The following GPM6A variants were observed in gnomAD, a reference collection of about 807,000 sequenced individuals.
The protein encoded by GPM6A is glycoprotein M6A, also known as neuronal membrane glycoprotein M6-a.
A neutral mutation model predicts 32.1 loss-of-function variants in GPM6A; 7 were observed. The ratio of observed to expected loss-of-function variants is 0.22; its 90% CI spans 0.12 to 0.41. The LOEUF (loss-of-function observed/expected upper bound fraction) is 0.41. Ranked by LOEUF, GPM6A falls within the 10% of genes least tolerant of loss-of-function variation. GPM6A has a pLI of 1.00. For synonymous variants in GPM6A, 130 were observed against 123.4 expected (o/e 1.05, Z -0.35); for missense variants, 235 against 347.2 (o/e 0.68, Z 2.57).
intron 2 of GPM6A, among the ~76,000 whole-genome samples, chr4:175,682,202 C>T (rs916972183): frequency 2.0e-5 from 3 of 152,082 alleles, no homozygotes; most frequent in African/African-American, 7.2e-5. Context: ...GTTTGAACTT[C>T]AAAGTGATGA....
intron 1 of GPM6A, among the ~76,000 whole-genome samples, chr4:175,907,748 A>G (rs148975216): frequency 2.8e-4 from 42 of 152,284 alleles, no homozygotes; most frequent in African/African-American, 1.0e-3. Flanking sequence ...CTATTAGATC[A>G]CACTTTATAT....
At chr4:175,847,739 G>C (rs908176458) in intron 1 of GPM6A, among the ~76,000 whole-genome samples, 8 of 152,052 alleles carry the variant, frequency 5.3e-5, no homozygotes, top group African/African-American at 1.7e-4. Flanking sequence ...ATGATAAGGA[G>C]ACATCTTCTA....
chr4:175,636,093 T>C (rs566761945), intron 6 of GPM6A, among the ~76,000 whole-genome samples: 1 of 151,776 alleles, frequency 6.6e-6, no homozygotes, highest in African/African-American at 2.4e-5. Context: ...TGACACGGGA[T>C]GTAGGGGAAA....
chr4:175,834,859 T>C (rs778544185), intron 1 of GPM6A, among the ~76,000 whole-genome samples: 38 of 152,320 alleles, frequency 2.5e-4, no homozygotes, highest in Non-Finnish European at 4.6e-4. Context: ...AGCATAAAGA[T>C]TGATTACTGG....
chr4:175,686,273 T>G (rs578151683), intron 2 of GPM6A, among the ~76,000 whole-genome samples: 2 of 152,350 alleles, frequency 1.3e-5, no homozygotes, highest in East Asian at 3.9e-4. Context: ...AATTGCAGTT[T>G]TAACCATTAC....
At chr4:175,740,039 A>C (rs1731815239) in intron 1 of GPM6A, among the ~76,000 whole-genome samples, 1 of 152,058 alleles carries the variant, frequency 6.6e-6, no homozygotes. Flanking sequence ...CGTGTAGAAA[A>C]TATTGTCTCT....
At chr4:175,745,114 C>T (rs999574717) in intron 1 of GPM6A, among the ~76,000 whole-genome samples, 1 of 151,944 alleles carries the variant, frequency 6.6e-6, no homozygotes, top group Admixed American at 6.6e-5. Context: ...CTGAGAGTAT[C>T]ATGATAAAAA....
chr4:175,719,463 CA>C (rs1429489122), intron 1 of GPM6A, among the ~76,000 whole-genome samples: 3 of 152,096 alleles, frequency 2.0e-5, no homozygotes, highest in Non-Finnish European at 2.9e-5. Flanking sequence ...GCCATATTCT[CA>C]AATATTTCCT....
At chr4:175,937,099 A>G (rs1419466687) in intron 1 of GPM6A, among the ~76,000 whole-genome samples, 1 of 152,138 alleles carries the variant, frequency 6.6e-6, no homozygotes, top group Non-Finnish European at 1.5e-5. Flanking sequence ...CTTTTATTAG[A>G]ATTAAAAATG....
At chr4:175,908,099 C>T (rs915537150) in intron 1 of GPM6A, among the ~76,000 whole-genome samples, 2 of 152,122 alleles carry the variant, frequency 1.3e-5, no homozygotes, top group African/African-American at 4.8e-5. Context: ...TAACGAATAA[C>T]TATTTGGCCA....
intron 4 of GPM6A, among the ~76,000 whole-genome samples, chr4:175,650,591 C>T (rs1741746453): frequency 6.6e-6 from 1 of 152,126 alleles, no homozygotes; most frequent in African/African-American, 2.4e-5. Context: ...AGGTATGAGT[C>T]ACCACGCCCC....
chr4:175,744,052 A>G (rs995740962), intron 1 of GPM6A, among the ~76,000 whole-genome samples: 1 of 152,060 alleles, frequency 6.6e-6, no homozygotes, highest in Non-Finnish European at 1.5e-5. Context: ...TAAAACTGCA[A>G]CCACAAGTTG....
chr4:175,948,816 A>T (rs1739701478), intron 1 of GPM6A, among the ~76,000 whole-genome samples: 1 of 137,186 alleles, frequency 7.3e-6, no homozygotes. Context: ...TAACAATGTT[A>T]ATACTAACTT....
intron 1 of GPM6A, among the ~76,000 whole-genome samples, chr4:175,819,708 A>G (rs1735216025): frequency 6.6e-6 from 1 of 152,212 alleles, no homozygotes; most frequent in South Asian, 2.1e-4. Context: ...CATTCTTTGA[A>G]CCACCTGGAT....
At chr4:175,913,464 C>T (rs1211345368) in intron 1 of GPM6A, among the ~76,000 whole-genome samples, 2 of 152,158 alleles carry the variant, frequency 1.3e-5, no homozygotes, top group Non-Finnish European at 2.9e-5. Context: ...ATTGATCATG[C>T]CTTTGCTCAC....
At chr4:175,643,357 A>T (rs2110892755) in intron 4 of GPM6A, among the ~76,000 whole-genome samples, 1 of 152,298 alleles carries the variant, frequency 6.6e-6, no homozygotes, top group East Asian at 1.9e-4. Flanking sequence ...TCAAGATGGT[A>T]CATCGTGGGA....
At chr4:176,001,477 G>T (rs1741478496) in intron 1 of GPM6A, among the ~76,000 whole-genome samples, 2 of 152,138 alleles carry the variant, frequency 1.3e-5, no homozygotes, top group Admixed American at 1.3e-4. Context: ...CCTAGTGCTG[G>T]GTGTGAATCG....
intron 2 of GPM6A, among the ~76,000 whole-genome samples, chr4:175,690,581 G>A (rs913417748): frequency 6.6e-6 from 1 of 152,166 alleles, no homozygotes; most frequent in African/African-American, 2.4e-5. Context: ...ACTCCATTCT[G>A]GGCTTTCCTT....
At chr4:175,954,868 A>C (rs1452811186) in intron 1 of GPM6A, among the ~76,000 whole-genome samples, 2 of 152,212 alleles carry the variant, frequency 1.3e-5, no homozygotes, top group Non-Finnish European at 2.9e-5. Flanking sequence ...ATGGAACAAA[A>C]GAGAGATAGC....
Sources: gnomAD v4.1 joint callset for allele counts (sites outside exome capture counted in the v4.1 genomes callset) on GRCh38, gnomAD v4.1.1 for gene constraint, MANE v1.5 for transcripts, NCBI Gene and HGNC (gene_info 2026-07-23, HGNC 2026-07-21) for gene names.